The following UBE3D variants were observed in gnomAD, a reference collection of about 807,000 sequenced individuals.
UBE3D encodes ubiquitin protein ligase E3D.
UBE3D carries 48 observed loss-of-function variants against 49.6 expected under a neutral mutation model. The ratio of observed to expected loss-of-function variants is 0.97; its 90% confidence interval spans 0.77 to 1.23. UBE3D has a LOEUF of 1.23. Among genes scored for constraint, UBE3D ranks in the 50% most tolerant of loss-of-function variants. The pLI is 0.00. For synonymous variants in UBE3D, 189 were observed against 174.2 expected (o/e 1.08, Z -0.67); for missense variants, 452 against 468.4 (o/e 0.96, Z 0.32).
chr6:82,882,006 G>A, the UBE3D span, among the ~76,000 whole-genome samples: 64 of 152,138 alleles, frequency 4.2e-4, 1 homozygote, highest in East Asian at 0.011. Context: ...CCTTCCTCCC[G>A]TCATTTGTCC....
rs1405196240 is a variant in UBE3D at position 82,946,235 on chromosome 6, A to G, written c.1149+11077T>C. Reference sequence around the variant, plus strand: ...AATCAAACTTCCAAAGGTCAAGAATAAAGAAAGGAGCCTAAAAGCACCAAC... The same window carrying G: ...AATCAAACTTCCAAAGGTCAAGAATGAAGAAAGGAGCCTAAAAGCACCAAC... On this transcript the variant is annotated intron_variant, in intron 9 of 9. Transcript: ENST00000369747. Among the ~76,000 whole-genome samples the G allele has an allele frequency of 8.5e-5, 13 of 152,292 alleles. No homozygotes were observed. The East Asian group carries it at 2.5e-3, about 29-fold the overall frequency.
chr6:82,916,271 T>C (rs1041050346), intron 9 of UBE3D, among the ~76,000 whole-genome samples: 1 of 152,206 alleles, frequency 6.6e-6, no homozygotes, highest in Non-Finnish European at 1.5e-5. Context: ...TGAGATTCTG[T>C]ACATCTGTGT....
the UBE3D span, among the ~76,000 whole-genome samples, chr6:82,886,987 C>G: frequency 6.6e-6 from 1 of 151,840 alleles, no homozygotes; most frequent in African/African-American, 2.4e-5. Flanking sequence ...TTATAGTGCC[C>G]TATATTGAGT....
intron 9 of UBE3D, among the ~76,000 whole-genome samples, chr6:82,913,819 T>A (rs1272757128): frequency 6.6e-6 from 1 of 152,224 alleles, no homozygotes; most frequent in Non-Finnish European, 1.5e-5. Flanking sequence ...CATATAAGTA[T>A]GTCAATATTG....
chr6:83,036,818 T>C (rs1981189), intron 5 of UBE3D: 117,790 of 150,982 alleles, frequency 0.78, 46,129 homozygotes, highest in East Asian at 0.93. Context: ...ACCACAGCCT[T>C]GAACCCCTGG....
At chr6:82,922,770 T>C (rs1773443025) in intron 9 of UBE3D, among the ~76,000 whole-genome samples, 1 of 151,946 alleles carries the variant, frequency 6.6e-6, no homozygotes, top group African/African-American at 2.4e-5. Context: ...ATCATCAGAG[T>C]GAAGAGACAA....
intron 3 of UBE3D, 145 bp downstream of exon 3, chr6:83,054,003 G>T: frequency 4.7e-6 from 3 of 640,480 alleles, no homozygotes; most frequent in Non-Finnish European, 8.2e-6. Context: ...AAGTTTTGTG[G>T]CTAATTTTGT....
chr6:83,065,591 C>T, intron 1 of UBE3D, 51 bp downstream of exon 1: 5 of 1,578,788 alleles, frequency 3.2e-6, no homozygotes, highest in Non-Finnish European at 4.3e-6. Flanking sequence ...CCCCGACCCC[C>T]GGGCAGCAGT....
At chr6:82,959,001 A>T (rs918229852) in intron 8 of UBE3D, among the ~76,000 whole-genome samples, 1 of 152,086 alleles carries the variant, frequency 6.6e-6, no homozygotes, top group Non-Finnish European at 1.5e-5. Flanking sequence ...GATGGAAGAT[A>T]AGGTAAATAT....
At chr6:82,902,494 T>C (rs910293324) in intron 9 of UBE3D, among the ~76,000 whole-genome samples, 11 of 152,142 alleles carry the variant, frequency 7.2e-5, no homozygotes, top group Admixed American at 5.9e-4. Context: ...TCTAGGGAAT[T>C]ATGCTGAGTC....
intron 7 of UBE3D, among the ~76,000 whole-genome samples, chr6:83,020,511 T>C (rs375028958): frequency 8.5e-5 from 13 of 152,358 alleles, no homozygotes; most frequent in African/African-American, 3.1e-4. Context: ...ATGTTCTTCA[T>C]GTTCCCTGAT....
intron 9 of UBE3D, among the ~76,000 whole-genome samples, chr6:82,917,317 A>G (rs1428720824): frequency 1.3e-5 from 2 of 152,126 alleles, no homozygotes; most frequent in African/African-American, 4.8e-5. Flanking sequence ...GCCCCTGAGA[A>G]AAGAAGGTCT....
intron 8 of UBE3D, among the ~76,000 whole-genome samples, chr6:82,961,764 C>T (rs1019201831): frequency 6.6e-6 from 1 of 151,886 alleles, no homozygotes; most frequent in Non-Finnish European, 1.5e-5. Flanking sequence ...GAGTTCGAGA[C>T]CAGCCTGATC....
chr6:82,958,947 T>A (rs973082103), intron 8 of UBE3D, among the ~76,000 whole-genome samples: 3 of 152,102 alleles, frequency 2.0e-5, no homozygotes, highest in African/African-American at 7.2e-5. Context: ...GTAAATTTTC[T>A]AGGGGAGTCA....
In UBE3D at chr6:82,940,405, C is replaced by G. The variant is rs568619149; in HGVS notation, c.1149+16907G>C. ...GGACAGTAATCACTACCTTTGAGAA[C>G]GAAGTTCCTAAATACAATGACCAGC... On this transcript the variant is annotated intron_variant, in intron 9 of 9. Transcript: ENST00000369747. Among the ~76,000 whole-genome samples, 3 of 152,158 alleles carry G rather than the reference C, an allele frequency of 2.0e-5. No homozygotes were observed. In the South Asian group the frequency reaches 6.2e-4, roughly 32 times the overall value.
At chr6:82,972,312 A>G (rs748930635) in intron 8 of UBE3D, among the ~76,000 whole-genome samples, 9 of 152,286 alleles carry the variant, frequency 5.9e-5, no homozygotes, top group Non-Finnish European at 1.3e-4. Context: ...GGCCTGACCA[A>G]TCTTGGTATC....
At chr6:82,997,491 G>A (rs984842666) in intron 8 of UBE3D, among the ~76,000 whole-genome samples, 4 of 152,104 alleles carry the variant, frequency 2.6e-5, no homozygotes, top group Non-Finnish European at 4.4e-5. Flanking sequence ...AGGCAGAGGC[G>A]GGAGGATCAC....
chr6:82,982,193 C>G (rs920654093), intron 8 of UBE3D, among the ~76,000 whole-genome samples: 41 of 152,184 alleles, frequency 2.7e-4, no homozygotes, highest in African/African-American at 9.9e-4. Context: ...CCACCCAATA[C>G]TCTCAACCCC....
At chr6:82,925,735 T>C (rs1444758191) in intron 9 of UBE3D, among the ~76,000 whole-genome samples, 2 of 152,150 alleles carry the variant, frequency 1.3e-5, no homozygotes, top group African/African-American at 4.8e-5. Flanking sequence ...GAGGATTTTG[T>C]TGCTTTTAAG....
Sources: allele counts gnomAD v4.1 joint callset (sites outside exome capture counted in the v4.1 genomes callset), GRCh38; gene constraint gnomAD v4.1.1; transcripts MANE v1.5; gene names NCBI Gene and HGNC (gene_info 2026-07-23, HGNC 2026-07-21).